GATM: variants seen among roughly 807,000 people sequenced by gnomAD.
GATM encodes the protein glycine amidinotransferase, mitochondrial.
GATM carries 23 observed loss-of-function variants against 54.2 expected under a neutral mutation model. The observed-to-expected ratio is 0.42, with a 90% CI of 0.31 to 0.60. The LOEUF is 0.60. Among genes scored for constraint, GATM ranks in the 20% least tolerant of loss-of-function variants. GATM has a pLI of 0.14. For missense variants in GATM, 401 were observed against 544.9 expected (o/e 0.74, Z 2.63); for synonymous variants, 168 against 183.1 (o/e 0.92, Z 0.67).
At chr15:45,393,515 G>A (rs1458395785) in intron 3 of GATM, among the ~76,000 whole-genome samples, 2 of 152,044 alleles carry the variant, frequency 1.3e-5, no homozygotes, top group Non-Finnish European at 2.9e-5. Context: ...CTCTATCTGT[G>A]TAGCTATTAC....
At chr15:45,387,391 A>T (rs1889815454) in intron 3 of GATM, among the ~76,000 whole-genome samples, 1 of 152,200 alleles carries the variant, frequency 6.6e-6, no homozygotes, top group Non-Finnish European at 1.5e-5. Context: ...CTAGTATAGG[A>T]CTAATCCCTC....
chr15:45,362,921 T>C lies in GATM; in HGVS notation c.1160-700A>G, dbSNP rs559616396. On this transcript the variant is annotated intron_variant, in intron 8 of 8. Transcript: ENST00000396659. ...GGAGCTAATTATTTTGAGAGGAGGA[T>C]AGGCTACAAAGTCACTAAAGGGTCC... Among the ~76,000 whole-genome samples the C allele has an allele frequency of 1.9e-4, 29 of 152,308 alleles. No individual in the cohort carries two copies. In the South Asian group the frequency reaches 5.6e-3, roughly 29 times the overall value.
At chr15:45,371,849 G>A (rs1056492829) in intron 2 of GATM, among the ~76,000 whole-genome samples, 3 of 152,226 alleles carry the variant, frequency 2.0e-5, no homozygotes, top group African/African-American at 7.2e-5. Flanking sequence ...CTGATCAAAT[G>A]TCTAGATGTT....
intron 3 of GATM, among the ~76,000 whole-genome samples, chr15:45,388,474 T>C (rs750523927): frequency 4.6e-5 from 7 of 152,222 alleles, no homozygotes; most frequent in Non-Finnish European, 8.8e-5. Flanking sequence ...TAACATTCTT[T>C]TTCTGTTCCA....
At chr15:45,402,145 T>C (rs1195717497) in exon 1 of GATM, 7 of 475,664 alleles carry the variant, frequency 1.5e-5, no homozygotes, top group Non-Finnish European at 2.6e-5. Flanking sequence ...CCTAGTGAAG[T>C]GAGCTTAAGC....
intron 3 of GATM, among the ~76,000 whole-genome samples, chr15:45,396,493 T>C (rs1889932293): frequency 6.6e-6 from 1 of 152,124 alleles, no homozygotes; most frequent in Non-Finnish European, 1.5e-5. Context: ...TTCCTATTGA[T>C]GGTAGAAATA....
chr15:45,376,913 C>T (rs1478562992), intron 1 of GATM, 94 bp from the exon 2 acceptor site: 21 of 1,167,970 alleles, frequency 1.8e-5, no homozygotes, highest in Non-Finnish European at 2.6e-5. Context: ...TCCAGCATAA[C>T]ATTGCCACTT....
At chr15:45,365,329 G>A (rs1358880821) in intron 6 of GATM, among the ~76,000 whole-genome samples, 1 of 152,134 alleles carries the variant, frequency 6.6e-6, no homozygotes, top group African/African-American at 2.4e-5. Context: ...TGTCCTTAGT[G>A]ACCTTTTACA....
chr15:45,382,295 A>G (rs1889750568), upstream of GATM, among the ~76,000 whole-genome samples: 1 of 152,190 alleles, frequency 6.6e-6, no homozygotes, highest in African/African-American at 2.4e-5. Context: ...ACCTTGGCAT[A>G]GGGGAGTTAC....
At chr15:45,394,290 C>T (rs1333724203) in intron 3 of GATM, among the ~76,000 whole-genome samples, 1 of 152,164 alleles carries the variant, frequency 6.6e-6, no homozygotes, top group Non-Finnish European at 1.5e-5. Context: ...GAATTTAATG[C>T]CTATCTGATG....
chr15:45,378,167 T>A (rs1350474625), intron 1 of GATM: 4 of 477,668 alleles, frequency 8.4e-6, no homozygotes, highest in East Asian at 7.4e-5. Context: ...GCAACGCAAG[T>A]TCCCCCTGAC....
At chr15:45,377,531 A>T in intron 1 of GATM, 1 of 328,342 alleles carries the variant, frequency 3.0e-6, no homozygotes, top group Non-Finnish European at 5.9e-6. Flanking sequence ...AGCCTTTTAA[A>T]AATGCATGGC....
chr15:45,369,256 T>G, intron 3 of GATM, 70 bp downstream of exon 3: 3 of 1,410,362 alleles, frequency 2.1e-6, no homozygotes. Flanking sequence ...TTTTGGAGCT[T>G]TCCCCTTACA....
Position 45,366,514 on chromosome 15 carries a change from T to C in GATM, c.676-6A>G. On this transcript the variant is annotated splice_polypyrimidine_tract_variant and splice_region_variant and intron_variant, in intron 4 of 8. Transcript: ENST00000396659. ...ACAGAGTGGATGGGATAATCCTAATTGGAACAAGAATGAACACACACAATG... is the reference window on the plus strand; with the variant it reads ...ACAGAGTGGATGGGATAATCCTAATCGGAACAAGAATGAACACACACAATG... 1 of 1,613,922 alleles carries C rather than the reference T, an allele frequency of 6.2e-7. No homozygotes were observed. The highest frequency in any genetic ancestry group is 8.5e-7 in the Non-Finnish European group (1 of 1,179,994).
At chr15:45,365,949 G>T in intron 6 of GATM, 97 bp downstream of exon 6, 1 of 1,136,408 alleles carries the variant, frequency 8.8e-7, no homozygotes, top group Non-Finnish European at 1.3e-6. Context: ...CTGTCATTTA[G>T]AACCATTAGG....
chr15:45,393,745 C>T (rs1889896409), intron 3 of GATM, among the ~76,000 whole-genome samples: 1 of 152,098 alleles, frequency 6.6e-6, no homozygotes, highest in Non-Finnish European at 1.5e-5. Context: ...GATTCAATAT[C>T]TGGATTCAGA....
Position 45,368,469 on chromosome 15 carries a change from C to T in GATM, c.485-209G>A, listed in dbSNP as rs1889485279. 6.6e-6 allele frequency among the ~76,000 whole-genome samples: 1 copy of T among 151,856 alleles called. No individual in the cohort carries two copies. Among genetic ancestry groups the T allele is most frequent in the African/African-American group, 2.4e-5 (1 of 41,342 alleles). ...CTAAAAGAATACGAAAACAATTAGC[C>T]AGGCATGGTGGCACGTGCCTGTAAT... On this transcript the variant is annotated intron_variant, in intron 3 of 8. Transcript: ENST00000396659. The surrounding 1 kb of genome is among the most constrained non-coding windows in gnomAD (Gnocchi z 5.1).
At chr15:45,380,767 C>CTGG (rs1370393361), upstream of GATM, among the ~76,000 whole-genome samples, 2 of 152,100 alleles carry the variant, frequency 1.3e-5, no homozygotes, top group African/African-American at 4.8e-5. Flanking sequence ...AGCCAAAGAG[C>CTGG]ATACCCTTAT....
At position 45,362,195 on chromosome 15, in the gene GATM, G is replaced by A. The variant is rs1183535332; in HGVS notation, c.1186C>T (p.Arg396Cys). 1.2e-6 allele frequency: 2 copies of A among 1,612,854 alleles called. No homozygotes were observed. Among genetic ancestry groups the A allele is most frequent in the Non-Finnish European group, 1.7e-6 (2 of 1,178,906 alleles). ...CCTCCTCCCAGGGAATTGGCATTAC[G>A]AATGTTAACTTTAATGGTAGTGATA... ...LGITTIKVNIRNANSLGGGFH... is the reference protein window; with the variant it reads ...LGITTIKVNICNANSLGGGFH... The change falls in exon 9 of 9, where the codon CGT (arginine) becomes TGT (cysteine). Residue 396 changes from arginine (R) to cysteine (C), a missense_variant. This residue lies in a region of GATM where 321 missense variants were observed against 457.5 expected (regional missense o/e 0.70). Coordinates refer to ENST00000396659, the MANE Select transcript of GATM (RefSeq NM_001482.3).
Sources: gnomAD v4.1 joint callset for allele counts (sites outside exome capture counted in the v4.1 genomes callset) on GRCh38, gnomAD v4.1.1 for gene constraint, gnomAD v4.1.1 regional missense constraint, Gnocchi (gnomAD v3.1) non-coding constraint, MANE v1.5 for transcripts, NCBI Gene and HGNC (gene_info 2026-07-23, HGNC 2026-07-21) for gene names.